Variants in SLC39A9 observed in about 807,000 individuals in gnomAD.
SLC39A9 encodes solute carrier family 39 member 9, also known as zinc transporter ZIP9.
In SLC39A9, 14 loss-of-function variants were observed where a neutral mutation model predicts 28.4. The ratio of observed to expected loss-of-function variants is 0.49; its 90% CI spans 0.33 to 0.77. The LOEUF (loss-of-function observed/expected upper bound fraction) is 0.77. SLC39A9 is among the 30% of genes least tolerant of loss of function. The pLI, the probability that SLC39A9 is intolerant of heterozygous loss-of-function variation, is 0.02. For synonymous variants in SLC39A9, 119 were observed against 149.6 expected, an observed-to-expected ratio of 0.80 and a Z score of 1.49; for missense variants, 283 against 381.1, an observed-to-expected ratio of 0.74 and a Z score of 2.14.
In SLC39A9 at chr14:69,461,801, C is replaced by T; in HGVS notation, c.*3208C>T. 1 of 1,493,598 alleles carries T rather than the reference C, an allele frequency of 6.7e-7. No individual in the cohort carries two copies. Among genetic ancestry groups the T allele is most frequent in the Non-Finnish European group, 9.0e-7 (1 of 1,116,432 alleles). The allele number at this position is 1,493,598 out of a possible 1,614,324, so 92.5% of individuals were successfully genotyped here. A position where few individuals can be genotyped will look rare whatever the true frequency, so the allele number is the denominator to read the frequency against. On this transcript the variant is annotated 3_prime_UTR_variant, in exon 7 of 7. Transcript: ENST00000336643. Reference sequence around the variant, plus strand: ...AACCGTATGACAGCAGCACAAACCCCCAAAGGATGTTCCTGCCTTGTGGGC... The same window carrying T: ...AACCGTATGACAGCAGCACAAACCCTCAAAGGATGTTCCTGCCTTGTGGGC...
intron 1 of SLC39A9, among the ~76,000 whole-genome samples, chr14:69,413,119 G>A (rs190593483): frequency 1.2e-4 from 19 of 152,292 alleles, no homozygotes; most frequent in African/African-American, 4.6e-4. Flanking sequence ...CACTTTGGGA[G>A]GCCGAGGCAG....
At position 69,410,030 on chromosome 14, in the gene SLC39A9, A is replaced by G. The variant is rs114719547; in HGVS notation, c.96+10565A>G. ...TGTATCAATGATATATTTGTTGGCA[A>G]TGCTTTTCCAGGTTATTTTTCAATG... On this transcript the variant is annotated intron_variant, in intron 1 of 6. Coordinates refer to ENST00000336643, the MANE Select transcript of SLC39A9 (RefSeq NM_018375.5). Among the ~76,000 whole-genome samples, 451 of 152,286 alleles carry G rather than the reference A, an allele frequency of 3.0e-3. 3 individuals carry two copies. The highest frequency in any genetic ancestry group is 0.011 in the African/African-American group (437 of 41,564).
In SLC39A9 at chr14:69,460,672, A is replaced by G. The variant is rs796067921; in HGVS notation, c.*2079A>G. ...TCATGCTTAAAAGTTTGGCTAGTAT[A>G]TCTTGCTGGATGGAGCCTTGAACTC... On this transcript the variant is annotated 3_prime_UTR_variant, in exon 7 of 7. Transcript: ENST00000336643. 2.0e-6 allele frequency: 2 copies of G among 985,452 alleles called. No individual in the cohort carries two copies. Among genetic ancestry groups the G allele is most frequent in the Non-Finnish European group, 2.4e-6 (2 of 829,948 alleles). 61.0% of individuals were successfully genotyped at this position (985,452 alleles called of 1,614,324 possible). A position where few individuals can be genotyped will look rare whatever the true frequency, so the allele number is the denominator to read the frequency against.
chr14:69,458,349 CTT>C lies in SLC39A9; in HGVS notation c.694-13_694-12del, dbSNP rs1566927791. The C allele has an allele frequency of 1.2e-6, 2 of 1,612,276 alleles. 1 individual carries two copies. On this transcript the variant is annotated splice_polypyrimidine_tract_variant and intron_variant, in intron 6 of 6. Coordinates refer to ENST00000336643, the MANE Select transcript of SLC39A9 (RefSeq NM_018375.5). ...TTGACTTAGTTTTTCCTCTTTCTCT[CTT>C]CTAATTCACAGAGCAGTAAAGAAGC...
intron 2 of SLC39A9, among the ~76,000 whole-genome samples, chr14:69,427,007 ATTT>A (rs35299160): frequency 6.6e-5 from 9 of 135,908 alleles, no homozygotes; most frequent in Non-Finnish European, 6.3e-5. Flanking sequence ...ACCCAAAATA[ATTT>A]TTTTTTTTTT....
At chr14:69,436,140 G>C (rs762493709) in intron 2 of SLC39A9, among the ~76,000 whole-genome samples, 2 of 151,832 alleles carry the variant, frequency 1.3e-5, no homozygotes, top group Non-Finnish European at 2.9e-5. Flanking sequence ...AGTGGCTCAC[G>C]CCTGTAATCC....
In SLC39A9 at chr14:69,458,413, T is replaced by C. The variant is rs370225870; in HGVS notation, c.744T>C (p.Leu248=). 53 of 1,614,138 alleles carry C rather than the reference T, an allele frequency of 3.3e-5. No homozygotes were observed. The African/African-American group carries it at 5.6e-4, about 17-fold the overall frequency. ...SEVNATGVAM[L]FSAGTFLYVA... ...TGAACGCCACGGGAGTGGCCATGCT[T>C]TTCTCTGCCGGGACATTTCTTTATG... Residue 248 remains leucine, a synonymous_variant, in exon 7 of 7, where the codon CTT becomes CTC. Transcript: ENST00000336643.
chr14:69,410,994 T>C (rs554605626), intron 1 of SLC39A9, among the ~76,000 whole-genome samples: 17 of 152,212 alleles, frequency 1.1e-4, no homozygotes, highest in Non-Finnish European at 2.2e-4. Flanking sequence ...GGTGGATCAC[T>C]TGAGGTCAGG....
intron 1 of SLC39A9, among the ~76,000 whole-genome samples, chr14:69,408,218 G>A (rs1883051536): frequency 6.6e-6 from 1 of 151,786 alleles, no homozygotes; most frequent in Non-Finnish European, 1.5e-5. Flanking sequence ...TTGCCATGTT[G>A]GCCAGGCTGT....
At chr14:69,408,496 C>A (rs894228683) in intron 1 of SLC39A9, among the ~76,000 whole-genome samples, 7 of 152,148 alleles carry the variant, frequency 4.6e-5, no homozygotes, top group Non-Finnish European at 7.3e-5. Context: ...TGGCAGCTGA[C>A]CTTCAGTGTC....
intron 1 of SLC39A9, among the ~76,000 whole-genome samples, chr14:69,403,975 G>A (rs751432942): frequency 6.6e-6 from 1 of 152,126 alleles, no homozygotes; most frequent in Non-Finnish European, 1.5e-5. Context: ...CCTGGGAGGC[G>A]GAGGTTGCAG....
At chr14:69,416,096 T>C (rs1883565517) in intron 1 of SLC39A9, among the ~76,000 whole-genome samples, 2 of 148,686 alleles carry the variant, frequency 1.3e-5, no homozygotes, top group Admixed American at 6.7e-5. Context: ...CAGGCCCTGG[T>C]GTGTGATGTT....
intron 2 of SLC39A9, among the ~76,000 whole-genome samples, chr14:69,436,433 G>A (rs1031057420): frequency 6.6e-6 from 1 of 152,050 alleles, no homozygotes; most frequent in African/African-American, 2.4e-5. Flanking sequence ...GTTGTATGCT[G>A]GACATTTTGA....
At chr14:69,437,979 G>T in intron 2 of SLC39A9, among the ~76,000 whole-genome samples, 1 of 149,114 alleles carries the variant, frequency 6.7e-6, no homozygotes, top group Non-Finnish European at 1.5e-5. Context: ...TTGTAATTTT[G>T]TTTTTGCTGC....
intron 1 of SLC39A9, 112 bp from the exon 2 acceptor site, chr14:69,423,982 T>C: frequency 3.0e-6 from 2 of 672,150 alleles, no homozygotes; most frequent in Non-Finnish European, 5.3e-6. Context: ...CTGTCTATTG[T>C]AGATGTTGGT....
At chr14:69,419,467 T>C (rs1594914500) in intron 1 of SLC39A9, among the ~76,000 whole-genome samples, 2 of 152,326 alleles carry the variant, frequency 1.3e-5, no homozygotes, top group East Asian at 1.9e-4. Context: ...CTGAGAACAA[T>C]GTATATTCTG....
rs115388203 is a variant in SLC39A9 at position 69,435,380 on chromosome 14, G to A, written c.206-6689G>A. Among the ~76,000 whole-genome samples, 1,361 of 152,228 alleles carry A rather than the reference G, an allele frequency of 8.9e-3. 19 individuals carry two copies. Among genetic ancestry groups the A allele is most frequent in the African/African-American group, 0.032 (1,311 of 41,518 alleles). ...TAACCATTCAGTTTTCTCTTGATCA[G>A]TGTTTCCATGGTTATATCTTTCCCT... On this transcript the variant is annotated intron_variant, in intron 2 of 6. Coordinates refer to ENST00000336643, the MANE Select transcript of SLC39A9 (RefSeq NM_018375.5).
chr14:69,436,963 G>C (rs1182711073), intron 2 of SLC39A9, among the ~76,000 whole-genome samples: 5 of 152,126 alleles, frequency 3.3e-5, no homozygotes, highest in African/African-American at 4.8e-5. Flanking sequence ...CGCCTCCCGG[G>C]TTCATGCCAT....
At chr14:69,445,328 CAA>C (rs1396059240) in intron 3 of SLC39A9, among the ~76,000 whole-genome samples, 1 of 152,120 alleles carries the variant, frequency 6.6e-6, no homozygotes, top group Non-Finnish European at 1.5e-5. Flanking sequence ...TCAGCCTACT[CAA>C]TGTGAAGATG....
Sources: allele counts gnomAD v4.1 joint callset (sites outside exome capture counted in the v4.1 genomes callset), GRCh38; gene constraint gnomAD v4.1.1; transcripts MANE v1.5; gene names NCBI Gene and HGNC (gene_info 2026-07-23, HGNC 2026-07-21).